TCF4: variants seen among roughly 807,000 people sequenced by gnomAD.
TCF4 encodes the protein SL3-3 enhancer factor 2.
Under a neutral mutation model 82.1 loss-of-function variants are expected in TCF4, and 3 were observed. That is an observed-to-expected ratio of 0.04 (90% CI 0.02 to 0.09). The LOEUF (loss-of-function observed/expected upper bound fraction) is 0.09. TCF4 is among the 10% of genes least tolerant of loss of function. TCF4 has a pLI of 1.00. For missense variants in TCF4, 518 were observed against 852.7 expected, an observed-to-expected ratio of 0.61 and a Z score of 4.89; for synonymous variants, 276 against 309.6, an observed-to-expected ratio of 0.89 and a Z score of 1.14.
chr18:55,257,402 A>C lies in TCF4; in HGVS notation c.1070-11T>G. The C allele has an allele frequency of 6.2e-7, 1 of 1,613,440 alleles. No individual in the cohort carries two copies. The highest frequency in any genetic ancestry group is 8.5e-7 in the Non-Finnish European group (1 of 1,179,466). On this transcript the variant is annotated splice_polypyrimidine_tract_variant and intron_variant, in intron 13 of 19. Transcript: ENST00000354452. ...AAACAGCTGTGCCTGCTGATATTAA[A>C]GTGGGAATTACAATCAGATCTAGAC...
intron 5 of TCF4, among the ~76,000 whole-genome samples, chr18:55,441,882 C>T (rs2095444258): frequency 6.6e-6 from 1 of 152,132 alleles, no homozygotes; most frequent in Non-Finnish European, 1.5e-5. Context: ...CCAAAAAGAA[C>T]GTTGTCATAC....
chr18:55,259,822 G>T, intron 13 of TCF4, 127 bp downstream of exon 13: 1 of 809,254 alleles, frequency 1.2e-6, no homozygotes, highest in Non-Finnish European at 2.2e-6. Flanking sequence ...GTATTTGTCT[G>T]TTATAGGAAT....
chr18:55,543,121 A>G (rs1442870246), intron 3 of TCF4, among the ~76,000 whole-genome samples: 3 of 152,132 alleles, frequency 2.0e-5, no homozygotes, highest in African/African-American at 7.2e-5. Context: ...GTATCTTTGT[A>G]ACAGTGGAGA....
At chr18:55,494,726 C>G (rs116922078) in intron 3 of TCF4, among the ~76,000 whole-genome samples, 1 of 152,066 alleles carries the variant, frequency 6.6e-6, no homozygotes, top group Admixed American at 6.6e-5. Flanking sequence ...GAATGCTAGA[C>G]AAGGGAATTA....
intron 8 of TCF4, among the ~76,000 whole-genome samples, chr18:55,347,527 A>G (rs1293293360): frequency 6.6e-6 from 1 of 152,148 alleles, no homozygotes; most frequent in Non-Finnish European, 1.5e-5. Context: ...ACATTCGTGG[A>G]TCCTGCCAGA....
chr18:55,598,957 C>T (rs891790510), intron 2 of TCF4, among the ~76,000 whole-genome samples: 3 of 152,164 alleles, frequency 2.0e-5, no homozygotes, highest in African/African-American at 7.2e-5. Flanking sequence ...GCTGTTGGTG[C>T]CCCCTGAACC....
At chr18:55,585,681 C>G in intron 2 of TCF4, 1 of 916,438 alleles carries the variant, frequency 1.1e-6, no homozygotes. Context: ...ACACTAGTTT[C>G]ACCAAGGAGA....
intron 5 of TCF4, among the ~76,000 whole-genome samples, chr18:55,414,329 A>C (rs2094454610): frequency 6.6e-6 from 1 of 151,666 alleles, no homozygotes; most frequent in African/African-American, 2.4e-5. Flanking sequence ...AAAGAAAAGA[A>C]AAAAAAAACG....
chr18:55,390,286 TAAA>T (rs56965997), intron 6 of TCF4, among the ~76,000 whole-genome samples: 20 of 82,232 alleles, frequency 2.4e-4, no homozygotes, highest in African/African-American at 7.7e-4. Flanking sequence ...CCCTGACTCT[TAAA>T]AAAAAAAAAA....
rs1277287061 is a variant in TCF4, at chr18:55,538,026, G to GCGCGCACA, written c.145+47253_145+47254insTGTGCGCG. Among the ~76,000 whole-genome samples, 554 of 131,556 alleles carry GCGCGCACA rather than the reference G, an allele frequency of 4.2e-3. 1 individual carries two copies. The highest frequency in any genetic ancestry group is 7.8e-3 in the Admixed American group (93 of 11,980). 86.3% of individuals were successfully genotyped at this position (131,556 alleles called of 152,430 possible). ...CTGGATTTTGCTAGTCTGCGCGCGC[G>GCGCGCACA]CACACACACACACACACACACACAC... is the stretch of plus-strand genomic sequence containing the variant. On this transcript the variant is annotated intron_variant, in intron 3 of 19. Coordinates refer to ENST00000354452, the MANE Select transcript of TCF4 (RefSeq NM_001083962.2).
At chr18:55,595,465 A>AT (rs772023818) in intron 2 of TCF4, among the ~76,000 whole-genome samples, 24 of 152,218 alleles carry the variant, frequency 1.6e-4, no homozygotes, top group Non-Finnish European at 2.5e-4. Flanking sequence ...TGCGTAGTGC[A>AT]TAAGTATTCC....
intron 15 of TCF4, among the ~76,000 whole-genome samples, chr18:55,245,308 T>C (rs1190861636): frequency 1.3e-5 from 2 of 152,132 alleles, no homozygotes; most frequent in Non-Finnish European, 2.9e-5. Flanking sequence ...TGTGAAAAAA[T>C]ATAAAATGGC....
chr18:55,453,763 A>C (rs1345991400), intron 5 of TCF4, among the ~76,000 whole-genome samples: 1 of 151,670 alleles, frequency 6.6e-6, no homozygotes, highest in Non-Finnish European at 1.5e-5. Context: ...CAATACCAGA[A>C]ACGCAACTTT....
chr18:55,422,876 G>A lies in TCF4; in HGVS notation c.305-19358C>T, dbSNP rs186334179. ...TTTTATGATGATGAATGCAGCTGTC[G>A]AAGCTCTCCGATGCATAATTAGCCA... On this transcript the variant is annotated intron_variant, in intron 5 of 19. Coordinates refer to ENST00000354452, the MANE Select transcript of TCF4 (RefSeq NM_001083962.2). Among the ~76,000 whole-genome samples the A allele has an allele frequency of 5.3e-5, 8 of 151,992 alleles. No homozygotes were observed. In the East Asian group the frequency reaches 1.4e-3, roughly 26 times the overall value.
chr18:55,309,012 C>T (rs915512157), intron 8 of TCF4, among the ~76,000 whole-genome samples: 8 of 152,152 alleles, frequency 5.3e-5, no homozygotes, highest in Non-Finnish European at 1.2e-4. Flanking sequence ...TATGAAAACT[C>T]AGTAATTGAA....
intron 15 of TCF4, among the ~76,000 whole-genome samples, chr18:55,243,458 A>G (rs1321148815): frequency 6.6e-6 from 1 of 152,216 alleles, no homozygotes; most frequent in Non-Finnish European, 1.5e-5. Flanking sequence ...GCAGCTATAC[A>G]GTAATAGTTT....
chr18:55,312,287 G>A (rs2072739230), intron 8 of TCF4, among the ~76,000 whole-genome samples: 2 of 152,114 alleles, frequency 1.3e-5, no homozygotes, highest in South Asian at 4.1e-4. Context: ...ACTGAACCCA[G>A]GAATCACCAT....
chr18:55,362,339 G>GGAAGGAAGGAAGGAAGGAAGGA (rs1188160658), intron 6 of TCF4, among the ~76,000 whole-genome samples: 1 of 68,564 alleles, frequency 1.5e-5, no homozygotes, highest in Admixed American at 1.9e-4. Flanking sequence ...AAAAAAAAAA[G>GGAAGGAAGGAAGGAAGGAAGGA]AGGAAGGAAG....
chr18:55,505,791 G>A (rs2096751626), intron 3 of TCF4, among the ~76,000 whole-genome samples: 2 of 126,822 alleles, frequency 1.6e-5, no homozygotes, highest in South Asian at 2.8e-4. Context: ...GCCACAGAGC[G>A]AGACTCCGTC....
Sources: gnomAD v4.1 joint callset for allele counts (sites outside exome capture counted in the v4.1 genomes callset) on GRCh38, gnomAD v4.1.1 for gene constraint, MANE v1.5 for transcripts, NCBI Gene and HGNC (gene_info 2026-07-23, HGNC 2026-07-21) for gene names.